The following PCCB variants were observed in gnomAD, a reference collection of about 807,000 sequenced individuals.
PCCB encodes propionyl-CoA carboxylase subunit beta, also known as propionyl-CoA carboxylase beta chain, mitochondrial.
Under a neutral mutation model 60.7 loss-of-function variants are expected in PCCB, and 43 were observed. That is an observed-to-expected ratio of 0.71 (90% CI 0.55 to 0.91). The LOEUF is 0.91. PCCB is among the 40% of genes least tolerant of loss of function. PCCB has a pLI of 0.00. For synonymous variants in PCCB, 276 were observed against 255.9 expected (o/e 1.08, Z -0.75); for missense variants, 766 against 702.8 (o/e 1.09, Z -1.02).
At chr3:136,283,453 T>C (rs1942529906) in intron 5 of PCCB, among the ~76,000 whole-genome samples, 1 of 152,144 alleles carries the variant, frequency 6.6e-6, no homozygotes. Flanking sequence ...AAGTGTTGGC[T>C]CTGCAAACTC....
At chr3:136,268,899 T>A (rs116303863) in intron 5 of PCCB, among the ~76,000 whole-genome samples, 162 of 152,352 alleles carry the variant, frequency 1.1e-3, no homozygotes, top group African/African-American at 3.8e-3. Context: ...TGTTTCTCTG[T>A]TTATGTAGCT....
intron 5 of PCCB, among the ~76,000 whole-genome samples, chr3:136,269,885 CAAAAAAAAA>C (rs1159032335): frequency 1.6e-5 from 1 of 60,658 alleles, no homozygotes; most frequent in Non-Finnish European, 3.4e-5. Flanking sequence ...GACTCTGTCT[CAAAAAAAAA>C]AAAAAAAAAA....
rs537993967 is a variant in PCCB at position 136,299,998 on chromosome 3, A to G, written c.885-1032A>G. ...TACACACATGCATGTGTATATATGC[A>G]TACCCACACATATGCATGTGTACAC... On this transcript the variant is annotated intron_variant, in intron 8 of 14. Transcript: ENST00000251654. Among the ~76,000 whole-genome samples, 7 of 151,906 alleles carry G rather than the reference A, an allele frequency of 4.6e-5. No homozygotes were observed. The East Asian group carries it at 1.4e-3, about 29-fold the overall frequency.
At chr3:136,299,470 G>GTATGCATGTGTATGTATGTA (rs1456783067) in intron 8 of PCCB, among the ~76,000 whole-genome samples, 1 of 150,840 alleles carries the variant, frequency 6.6e-6, no homozygotes. Context: ...GTATGTATAG[G>GTATGCATGTGTATGTATGTA]TATGCATGTG....
chr3:136,269,463 A>G (rs1452522355), intron 5 of PCCB, among the ~76,000 whole-genome samples: 4 of 152,164 alleles, frequency 2.6e-5, no homozygotes, highest in Admixed American at 2.6e-4. Flanking sequence ...TTCTATATAC[A>G]CAATCATGTC....
At chr3:136,264,744 G>C (rs574673231) in intron 5 of PCCB, among the ~76,000 whole-genome samples, 1 of 151,530 alleles carries the variant, frequency 6.6e-6, no homozygotes, top group Non-Finnish European at 1.5e-5. Context: ...GTGTGGTGGC[G>C]GGCGCCTGTA....
intron 10 of PCCB, among the ~76,000 whole-genome samples, chr3:136,323,247 G>T (rs1935172709): frequency 6.6e-6 from 1 of 151,842 alleles, no homozygotes; most frequent in African/African-American, 2.4e-5. Flanking sequence ...TTCACATGTG[G>T]GTGTCCCACA....
intron 10 of PCCB, among the ~76,000 whole-genome samples, chr3:136,321,264 A>G (rs902863187): frequency 1.3e-5 from 2 of 152,182 alleles, no homozygotes; most frequent in Non-Finnish European, 1.5e-5. Context: ...ATTCCTGTAC[A>G]CCTTCTGCTC....
chr3:136,268,065 C>CGTGTGTGT (rs111625326), intron 5 of PCCB, among the ~76,000 whole-genome samples: 12 of 78,452 alleles, frequency 1.5e-4, no homozygotes, highest in Non-Finnish European at 2.4e-4. Context: ...TGTGTGTGTG[C>CGTGTGTGT]GTGTGTGTGT....
chr3:136,264,444 ATATG>A (rs144352088), intron 5 of PCCB, among the ~76,000 whole-genome samples: 12,026 of 138,964 alleles, frequency 0.087, 1,638 homozygotes, highest in Non-Finnish European at 0.11. Context: ...GTGTGTGTAT[ATATG>A]TATATATATA....
chr3:136,254,463 G>A (rs1366929133), intron 1 of PCCB, among the ~76,000 whole-genome samples: 1 of 142,222 alleles, frequency 7.0e-6, no homozygotes, highest in African/African-American at 2.6e-5. Flanking sequence ...CTCATGATCC[G>A]CCTGCCTTGG....
chr3:136,273,931 A>C (rs1261319152), intron 5 of PCCB, among the ~76,000 whole-genome samples: 1 of 150,100 alleles, frequency 6.7e-6, no homozygotes, highest in East Asian at 1.9e-4. Context: ...AAAAAAAAAA[A>C]AAAAAGAATA....
In PCCB at chr3:136,283,940, T is replaced by C. The variant is rs1191659940; in HGVS notation, c.647T>C (p.Met216Thr). Residue 216 changes from methionine (M) to threonine (T), a missense_variant, in exon 6 of 15, where the codon ATG (methionine) becomes ACG (threonine). Coordinates refer to ENST00000251654, the MANE Select transcript of PCCB (RefSeq NM_000532.5). ...CCAGCCCTAACAGACTTCACGTTCA[T>C]GGTAAAGGTAAGAAAGAAGGGCCTG... The part of the protein sequence containing the change: ...YSPALTDFTF[M>T]VKDTSYLFIT... 6.2e-7 allele frequency: 1 copy of C among 1,604,564 alleles called. No homozygotes were observed. The highest frequency in any genetic ancestry group is 1.3e-5 in the African/African-American group (1 of 74,748).
Position 136,283,918 on chromosome 3 carries a change from G to T in PCCB, c.625G>T (p.Ala209Ser), listed in dbSNP as rs1213231038. The T allele has an allele frequency of 6.2e-7, 1 of 1,612,814 alleles. No individual in the cohort carries two copies. Among genetic ancestry groups the T allele is most frequent in the Admixed American group, 1.7e-5 (1 of 60,012 alleles). ...TGCTGGTGGGGCCGTCTACTCCCCA[G>T]CCCTAACAGACTTCACGTTCATGGT... Reference protein sequence around the residue: ...PCAGGAVYSPALTDFTFMVKD... With the variant: ...PCAGGAVYSPSLTDFTFMVKD... The change falls in exon 6 of 15, where the codon GCC (alanine) becomes TCC (serine). Residue 209 changes from alanine to serine, a missense_variant. Ala to Ser is a moderately conservative substitution (Grantham distance 99, BLOSUM62 1). Coordinates refer to ENST00000251654, the MANE Select transcript of PCCB (RefSeq NM_000532.5).
chr3:136,283,881 C>T lies in PCCB; in HGVS notation c.588C>T (p.Ile196=). 3.1e-6 allele frequency: 5 copies of T among 1,613,886 alleles called. No homozygotes were observed. The highest frequency in any genetic ancestry group is 4.2e-6 in the Non-Finnish European group (5 of 1,179,832). The change falls in exon 6 of 15, where the codon ATC becomes ATT. Residue 196 remains isoleucine (I), a synonymous_variant. Coordinates refer to ENST00000251654, the MANE Select transcript of PCCB (RefSeq NM_000532.5). ...ASGVIPQISL[I]MGPCAGGAVY... is the part of the protein sequence containing the mutation. ...GAGTCATCCCTCAGATTTCTCTGAT[C>T]ATGGGCCCATGTGCTGGTGGGGCCG...
intron 2 of PCCB, 45 bp downstream of exon 2, chr3:136,256,020 A>C: frequency 6.2e-7 from 1 of 1,613,738 alleles, no homozygotes; most frequent in Non-Finnish European, 8.5e-7. Context: ...GGTGTGGCTC[A>C]GCTGGCCTAC....
intron 6 of PCCB, among the ~76,000 whole-genome samples, chr3:136,293,074 G>A (rs188891109): frequency 1.1e-4 from 16 of 152,236 alleles, no homozygotes; most frequent in Middle Eastern, 3.4e-3. Context: ...GTGCAGTGGT[G>A]CAAGCAATCA....
chr3:136,315,444 T>C (rs555019817), intron 9 of PCCB, among the ~76,000 whole-genome samples: 1 of 152,308 alleles, frequency 6.6e-6, no homozygotes, highest in South Asian at 2.1e-4. Flanking sequence ...GGAGAATTGC[T>C]TGAACCCAGG....
At position 136,250,341 on chromosome 3, in the gene PCCB, G is replaced by A. The variant is rs886058016; in HGVS notation, c.-35G>A. 4.0e-6 allele frequency: 6 copies of A among 1,482,680 alleles called. No individual in the cohort carries two copies. Among genetic ancestry groups the A allele is most frequent in the Admixed American group, 4.6e-5 (2 of 43,604 alleles). The allele number at this position is 1,482,680 out of a possible 1,614,324, so 91.8% of individuals were successfully genotyped here. Reference sequence around the variant, plus strand: ...CCACGCTTTAGCACATGCGTACTCAGGTGCGCCGGTAGGGGACGCGCCGGC... The same window carrying A: ...CCACGCTTTAGCACATGCGTACTCAAGTGCGCCGGTAGGGGACGCGCCGGC... On this transcript the variant is annotated 5_prime_UTR_variant, in exon 1 of 15. Transcript: ENST00000251654.
Sources: gnomAD v4.1 joint callset for allele counts (sites outside exome capture counted in the v4.1 genomes callset) on GRCh38, gnomAD v4.1.1 for gene constraint, MANE v1.5 for transcripts, NCBI Gene and HGNC (gene_info 2026-07-23, HGNC 2026-07-21) for gene names.